Variants in DOCK2 observed in about 807,000 individuals in gnomAD.
The protein encoded by DOCK2 is dedicator of cytokinesis 2.
A neutral mutation model predicts 248.9 loss-of-function variants in DOCK2; 87 were observed. That is an observed-to-expected ratio of 0.35 (90% CI 0.29 to 0.42). The LOEUF (loss-of-function observed/expected upper bound fraction) is 0.42, where lower values mean the gene tolerates loss of function less well. DOCK2 is among the 10% of genes least tolerant of loss of function. The probability of loss-of-function intolerance (pLI) is 1.00; values close to 1 mark genes in which losing one functional copy is unlikely to be tolerated. For missense variants in DOCK2, 1,747 were observed against 2,300.2 expected (o/e 0.76, Z 4.92); for synonymous variants, 805 against 821.6 (o/e 0.98, Z 0.35).
intron 30 of DOCK2, among the ~76,000 whole-genome samples, chr5:170,004,148 T>C (rs901213966): frequency 4.6e-5 from 7 of 152,242 alleles, no homozygotes; most frequent in Non-Finnish European, 1.0e-4. Context: ...TGACTCATAA[T>C]AGTCAAAGAC....
intron 27 of DOCK2, among the ~76,000 whole-genome samples, chr5:169,954,359 T>C (rs775385528): frequency 1.3e-5 from 2 of 152,254 alleles, no homozygotes; most frequent in Admixed American, 1.3e-4. Context: ...TATATAACAT[T>C]CCATTATGTA....
At chr5:169,929,384 G>A (rs930709615) in intron 27 of DOCK2, among the ~76,000 whole-genome samples, 4 of 151,980 alleles carry the variant, frequency 2.6e-5, no homozygotes, top group African/African-American at 4.8e-5. Flanking sequence ...AGCGAATCCC[G>A]GCAAACGATA....
intron 27 of DOCK2, chr5:169,881,270 G>T: frequency 4.2e-6 from 4 of 946,746 alleles, no homozygotes; most frequent in South Asian, 3.0e-5. Context: ...CCTTGTTTTT[G>T]CCTCTCTTGA....
chr5:169,892,742 T>A (rs1361995224), intron 27 of DOCK2, among the ~76,000 whole-genome samples: 1 of 152,192 alleles, frequency 6.6e-6, no homozygotes, highest in African/African-American at 2.4e-5. Context: ...TAATAAAATG[T>A]TTCAGGTGTG....
chr5:169,974,201 A>C (rs2161367), intron 27 of DOCK2, among the ~76,000 whole-genome samples: 37,870 of 152,180 alleles, frequency 0.25, 5,153 homozygotes, highest in Non-Finnish European at 0.31. Flanking sequence ...CTATCAAGTA[A>C]AAATGGTATT....
intron 26 of DOCK2, among the ~76,000 whole-genome samples, chr5:169,822,398 C>G (rs1768514564): frequency 6.6e-6 from 1 of 152,140 alleles, no homozygotes; most frequent in Admixed American, 6.5e-5. Flanking sequence ...TGTAAAAGAA[C>G]AGCAATTATA....
At chr5:169,847,248 T>G (rs1770371168) in intron 27 of DOCK2, among the ~76,000 whole-genome samples, 1 of 152,250 alleles carries the variant, frequency 6.6e-6, no homozygotes, top group South Asian at 2.1e-4. Context: ...AGATCTACTT[T>G]TGGCTCTGTA....
Position 169,846,559 on chromosome 5 carries a change from A to C in DOCK2, c.2799+5707A>C, listed in dbSNP as rs530000385. The stretch of plus-strand genomic sequence containing the variant: ...AAGGAATTTAGCTTTTGTGGTGAGA[A>C]AGGGAGCATGGTTTGATAGAAAGTG... On this transcript the variant is annotated intron_variant, in intron 27 of 51. Coordinates refer to ENST00000520908, the MANE Select transcript of DOCK2 (RefSeq NM_004946.3). Among the ~76,000 whole-genome samples, 22 of 152,102 alleles carry C rather than the reference A, an allele frequency of 1.4e-4. No individual in the cohort carries two copies. In the South Asian group the frequency reaches 3.7e-3, roughly 26 times the overall value.
intron 36 of DOCK2, among the ~76,000 whole-genome samples, chr5:170,037,477 CA>C (rs1554127655): frequency 2.7e-5 from 3 of 111,278 alleles, no homozygotes; most frequent in Non-Finnish European, 2.1e-5. Context: ...AGCACAAAAA[CA>C]AATTTTTTTT....
intron 15 of DOCK2, among the ~76,000 whole-genome samples, chr5:169,708,775 G>A (rs911647064): frequency 6.6e-6 from 1 of 152,140 alleles, no homozygotes; most frequent in Non-Finnish European, 1.5e-5. Context: ...TTGTAGGCCA[G>A]GCTGGTCTCA....
At chr5:169,919,236 C>T (rs1775042207) in intron 27 of DOCK2, among the ~76,000 whole-genome samples, 1 of 152,132 alleles carries the variant, frequency 6.6e-6, no homozygotes, top group Non-Finnish European at 1.5e-5. Flanking sequence ...CATAAGTTTT[C>T]CAGGGTCACA....
Position 169,698,381 on chromosome 5 carries a change from T to C in DOCK2, c.987T>C (p.Asp329=). 1 of 1,613,922 alleles carries C rather than the reference T, an allele frequency of 6.2e-7. No individual in the cohort carries two copies. The highest frequency in any genetic ancestry group is 8.5e-7 in the Non-Finnish European group (1 of 1,179,816). The change falls in exon 11 of 52, where the codon GAT becomes GAC. Residue 329 remains aspartate, a synonymous_variant. Transcript: ENST00000520908. ...ATTCTGTCTTCTTTCTAGTTATGGA[T>C]ATAACAGACATCATCAAGGGGAAAG... ...LRRPFGVAVM[D]ITDIIKGKAE...
At chr5:169,882,934 T>C (rs1352700559) in intron 27 of DOCK2, 1 of 1,551,766 alleles carries the variant, frequency 6.4e-7, no homozygotes, top group East Asian at 2.4e-5. Context: ...TCTTCCTGGG[T>C]GGGCTGGCTG....
chr5:170,038,088 G>A (rs1005565701), intron 36 of DOCK2, among the ~76,000 whole-genome samples: 1 of 152,220 alleles, frequency 6.6e-6, no homozygotes, highest in East Asian at 1.9e-4. Context: ...GCAGCACAAA[G>A]CTTTGGGGTC....
At chr5:169,855,770 T>A (rs1025606555) in intron 27 of DOCK2, among the ~76,000 whole-genome samples, 1 of 152,070 alleles carries the variant, frequency 6.6e-6, no homozygotes, top group South Asian at 2.1e-4. Flanking sequence ...ACTCTTGGAG[T>A]TTAACGTATG....
At chr5:170,049,501 T>A (rs985933624) in intron 40 of DOCK2, among the ~76,000 whole-genome samples, 1 of 152,186 alleles carries the variant, frequency 6.6e-6, no homozygotes, top group Non-Finnish European at 1.5e-5. Context: ...ATGACAGATG[T>A]GTGTTTGGAC....
At chr5:169,741,622 G>T (rs1763307911) in intron 22 of DOCK2, among the ~76,000 whole-genome samples, 2 of 152,112 alleles carry the variant, frequency 1.3e-5, no homozygotes, top group Non-Finnish European at 2.9e-5. Flanking sequence ...AGGAACACCA[G>T]CCAAGTCACC....
At chr5:170,080,124 C>T (rs1395030477) in intron 49 of DOCK2, 39 bp from the exon 50 acceptor site, 1 of 1,606,562 alleles carries the variant, frequency 6.2e-7, no homozygotes, top group Non-Finnish European at 8.5e-7. Context: ...AAGCCTCTGT[C>T]TTTGTGTGTG....
intron 27 of DOCK2, among the ~76,000 whole-genome samples, chr5:169,853,061 A>G (rs1366225): frequency 0.69 from 105,107 of 152,120 alleles, 37,472 homozygotes; most frequent in African/African-American, 0.88. Context: ...GGTCTTTTCC[A>G]TGCTGTTTTC....
Sources: gnomAD v4.1 joint callset for allele counts (sites outside exome capture counted in the v4.1 genomes callset) on GRCh38, gnomAD v4.1.1 for gene constraint, MANE v1.5 for transcripts, NCBI Gene and HGNC (gene_info 2026-07-23, HGNC 2026-07-21) for gene names.